Variants in VGLL4 observed in about 807,000 individuals in gnomAD.
The protein encoded by VGLL4 is vestigial like family member 4.
A neutral mutation model predicts 21.0 loss-of-function variants in VGLL4; 7 were observed. The ratio of observed to expected loss-of-function variants is 0.33; its 90% CI spans 0.19 to 0.63. The LOEUF (loss-of-function observed/expected upper bound fraction) is 0.63, where lower values mean the gene tolerates loss of function less well. VGLL4 is among the 20% of genes least tolerant of loss of function. The pLI is 0.78. For synonymous variants in VGLL4, 222 were observed against 173.2 expected, an observed-to-expected ratio of 1.28 and a Z score of -2.21; for missense variants, 394 against 425.7, an observed-to-expected ratio of 0.93 and a Z score of 0.66.
chr3:11,716,302 C>CA (rs554449676), intron 1 of VGLL4, among the ~76,000 whole-genome samples: 5,792 of 60,692 alleles, frequency 0.095, 388 homozygotes, highest in East Asian at 0.25. Flanking sequence ...AACTCTGTCT[C>CA]AAAAAAAAAA....
At chr3:11,698,339 C>G (rs779639546) in intron 2 of VGLL4, among the ~76,000 whole-genome samples, 8 of 152,118 alleles carry the variant, frequency 5.3e-5, no homozygotes, top group Non-Finnish European at 8.8e-5. Flanking sequence ...TGAAACCCCT[C>G]CTCTACTAAA....
At chr3:11,690,146 A>T (rs9809869) in intron 2 of VGLL4, among the ~76,000 whole-genome samples, 121,385 of 152,026 alleles carry the variant, frequency 0.8, 48,583 homozygotes, top group Admixed American at 0.85. Context: ...CTGTAAACTC[A>T]GCTTTTAATC....
At chr3:11,588,417 C>T (rs2074409319) in intron 2 of VGLL4, among the ~76,000 whole-genome samples, 1 of 152,352 alleles carries the variant, frequency 6.6e-6, no homozygotes, top group Non-Finnish European at 1.5e-5. Context: ...AGTGAGTGTG[C>T]AGGCCCCCAG....
chr3:11,669,084 G>C (rs767621154), intron 2 of VGLL4, among the ~76,000 whole-genome samples: 10 of 152,232 alleles, frequency 6.6e-5, no homozygotes, highest in African/African-American at 2.4e-4. Flanking sequence ...GTGAGCCTCA[G>C]GGGCAGAACC....
intron 1 of VGLL4, among the ~76,000 whole-genome samples, chr3:11,717,610 G>C (rs981789408): frequency 2.0e-5 from 3 of 147,842 alleles, no homozygotes; most frequent in African/African-American, 7.5e-5. Context: ...CAAAGTTCTG[G>C]GATTACATAG....
At chr3:11,685,093 T>C (rs115283780) in intron 2 of VGLL4, among the ~76,000 whole-genome samples, 1 of 152,218 alleles carries the variant, frequency 6.6e-6, no homozygotes, top group African/African-American at 2.4e-5. Context: ...TTTGGTTTTT[T>C]GTTCCTGCGT....
At chr3:11,570,036 G>T (rs1044575975) in intron 2 of VGLL4, among the ~76,000 whole-genome samples, 1 of 152,104 alleles carries the variant, frequency 6.6e-6, no homozygotes, top group Non-Finnish European at 1.5e-5. Context: ...AATTTTACCT[G>T]AATAATATAG....
intron 1 of VGLL4, among the ~76,000 whole-genome samples, chr3:11,709,271 T>A (rs1209922212): frequency 2.7e-5 from 4 of 150,298 alleles, no homozygotes; most frequent in Non-Finnish European, 3.0e-5. Flanking sequence ...CCCCGTCTCT[T>A]CTAAAAATAT....
intron 2 of VGLL4, among the ~76,000 whole-genome samples, chr3:11,581,078 T>A (rs200962686): frequency 0.018 from 2,689 of 147,008 alleles, 25 homozygotes; most frequent in South Asian, 0.04. Flanking sequence ...TTTTTTTTTT[T>A]AAAAAAAAAG....
intron 2 of VGLL4, among the ~76,000 whole-genome samples, chr3:11,698,399 C>A (rs2076634044): frequency 6.6e-6 from 1 of 152,164 alleles, no homozygotes; most frequent in Non-Finnish European, 1.5e-5. Flanking sequence ...GTCCCAGTTA[C>A]TCAGGAGGCT....
At chr3:11,582,769 C>A (rs563140066) in intron 2 of VGLL4, among the ~76,000 whole-genome samples, 1 of 152,314 alleles carries the variant, frequency 6.6e-6, no homozygotes, top group East Asian at 1.9e-4. Context: ...GGGCTGCAGC[C>A]GGCCCCTCAG....
intron 2 of VGLL4, among the ~76,000 whole-genome samples, chr3:11,670,909 T>G (rs1049510733): frequency 6.6e-6 from 1 of 151,768 alleles, no homozygotes; most frequent in Non-Finnish European, 1.5e-5. Flanking sequence ...TGGTGGCGCA[T>G]GCCTGTAATT....
At chr3:11,578,948 T>C (rs1057351394) in intron 2 of VGLL4, among the ~76,000 whole-genome samples, 1 of 151,960 alleles carries the variant, frequency 6.6e-6, no homozygotes, top group South Asian at 2.1e-4. Context: ...CGGGGTTTCA[T>C]CGTGTTAGCC....
In VGLL4 at chr3:11,586,655, G is replaced by C. The variant is rs192787210; in HGVS notation, c.272+15178C>G. Among the ~76,000 whole-genome samples the C allele has an allele frequency of 9.9e-4, 151 of 152,314 alleles. 1 individual carries two copies. Among genetic ancestry groups the C allele is most frequent in the African/African-American group, 3.1e-3 (129 of 41,576 alleles). On this transcript the variant is annotated intron_variant, in intron 2 of 4. Transcript: ENST00000430365. ...TTAAGTATACGAGAGGATTTCCATAGGTTATCTGCAAATATTATGCCATTT... is the reference window on the plus strand; with the variant it reads ...TTAAGTATACGAGAGGATTTCCATACGTTATCTGCAAATATTATGCCATTT...
upstream of VGLL4, among the ~76,000 whole-genome samples, chr3:11,644,667 G>A (rs1478870179): frequency 1.3e-5 from 2 of 152,070 alleles, no homozygotes; most frequent in Admixed American, 6.5e-5. Context: ...CCAGCATGGT[G>A]AAACCCCATC....
In VGLL4 at chr3:11,595,519, A is replaced by G. The variant is rs1172324002; in HGVS notation, c.272+6314T>C. On this transcript the variant is annotated intron_variant, in intron 2 of 4. Coordinates refer to ENST00000430365, the MANE Select transcript of VGLL4 (RefSeq NM_001128219.3). The stretch of plus-strand genomic sequence containing the variant: ...CCAAAGGACTATAAATCATGCTGCT[A>G]TAAAGACACATGCACACGTATGTTT... Among the ~76,000 whole-genome samples the G allele has an allele frequency of 2.6e-5, 4 of 152,186 alleles. No homozygotes were observed. In the East Asian group the frequency reaches 5.8e-4, roughly 22 times the overall value.
chr3:11,683,196 C>T (rs1266721592), intron 2 of VGLL4, among the ~76,000 whole-genome samples: 2 of 130,216 alleles, frequency 1.5e-5, no homozygotes, highest in Non-Finnish European at 3.5e-5. Context: ...CAGAGCGAGA[C>T]TCTGTCTCAA....
chr3:11,610,728 A>G (rs891008539), intron 1 of VGLL4: 1 of 152,258 alleles, frequency 6.6e-6, no homozygotes. Context: ...ACAACAGCAC[A>G]ATAAAACTGG....
At chr3:11,710,172 G>C (rs1010643150) in intron 1 of VGLL4, among the ~76,000 whole-genome samples, 1 of 152,202 alleles carries the variant, frequency 6.6e-6, no homozygotes, top group Non-Finnish European at 1.5e-5. Flanking sequence ...TCGCTCCCAT[G>C]ATCCAACCTC....
Sources: gnomAD v4.1 joint callset for allele counts (sites outside exome capture counted in the v4.1 genomes callset) on GRCh38, gnomAD v4.1.1 for gene constraint, MANE v1.5 for transcripts, NCBI Gene and HGNC (gene_info 2026-07-23, HGNC 2026-07-21) for gene names.